Variants in PTPRK observed in about 807,000 individuals in gnomAD.
The protein encoded by PTPRK is protein tyrosine phosphatase receptor type K.
PTPRK carries 75 observed loss-of-function variants against 178.0 expected under a neutral mutation model. The observed-to-expected ratio is 0.42, with a 90% confidence interval of 0.35 to 0.51. The LOEUF is 0.51. Ranked by LOEUF, PTPRK falls within the 20% of genes least tolerant of loss-of-function variation. The pLI is 0.02. For synonymous variants in PTPRK, 637 were observed against 620.6 expected (o/e 1.03, Z -0.39); for missense variants, 1,441 against 1,797.8 (o/e 0.80, Z 3.59).
intron 13 of PTPRK, among the ~76,000 whole-genome samples, chr6:128,025,224 C>T (rs114147475): frequency 1.3e-3 from 195 of 152,318 alleles, no homozygotes; most frequent in African/African-American, 4.4e-3. Flanking sequence ...CCCTGTGAGG[C>T]CAAGTTTTGT....
intron 1 of PTPRK, among the ~76,000 whole-genome samples, chr6:128,501,843 C>G (rs1373543175): frequency 6.6e-6 from 1 of 152,024 alleles, no homozygotes; most frequent in Admixed American, 6.6e-5. Flanking sequence ...AGCCCAAATG[C>G]AGTATTAAGA....
intron 13 of PTPRK, among the ~76,000 whole-genome samples, chr6:128,033,144 G>A (rs947474408): frequency 2.4e-4 from 37 of 152,104 alleles, no homozygotes; most frequent in African/African-American, 6.3e-4. Flanking sequence ...TTTTCTAGTT[G>A]GTTATACTCC....
intron 13 of PTPRK, among the ~76,000 whole-genome samples, chr6:128,009,814 T>C (rs532472854): frequency 1.6e-4 from 24 of 151,318 alleles, no homozygotes; most frequent in African/African-American, 5.8e-4. Flanking sequence ...AAGAGAAGAA[T>C]AGGCAAAGAA....
chr6:128,338,397 C>G (rs1332277633), intron 2 of PTPRK, among the ~76,000 whole-genome samples: 1 of 152,030 alleles, frequency 6.6e-6, no homozygotes, highest in Non-Finnish European at 1.5e-5. Flanking sequence ...TTACTACACC[C>G]AAATATATAG....
At chr6:128,435,103 AGGAAG>A (rs1230372251) in intron 1 of PTPRK, among the ~76,000 whole-genome samples, 1 of 71,720 alleles carries the variant, frequency 1.4e-5, no homozygotes, top group Non-Finnish European at 2.6e-5. Flanking sequence ...GAAGGAAGGA[AGGAAG>A]GCAGGAAGGC....
intron 6 of PTPRK, among the ~76,000 whole-genome samples, chr6:128,216,203 A>G (rs903751119): frequency 2.4e-4 from 36 of 152,286 alleles, no homozygotes; most frequent in Admixed American, 8.5e-4. Flanking sequence ...CCTTTCCAAC[A>G]TAAAAATCAC....
At chr6:128,379,770 A>G (rs988681321) in intron 2 of PTPRK, among the ~76,000 whole-genome samples, 2 of 152,170 alleles carry the variant, frequency 1.3e-5, no homozygotes, top group African/African-American at 4.8e-5. Flanking sequence ...TTCCTTTCTA[A>G]CACTAGTTGG....
intron 7 of PTPRK, among the ~76,000 whole-genome samples, chr6:128,099,829 C>T (rs1788495942): frequency 6.6e-6 from 1 of 152,026 alleles, no homozygotes; most frequent in Admixed American, 6.6e-5. Flanking sequence ...AGATCCTTCA[C>T]ATATAATCAA....
Position 128,520,531 on chromosome 6 carries a change from G to GTCTT in PTPRK, c.-174_-173insAAGA. ...TCGCCAAACTACCTCAGGGGCGAAAGCGTCGCCAGCGTCGCCGGCCGGCCG... is the reference window on the plus strand; with the variant it reads ...TCGCCAAACTACCTCAGGGGCGAAAGTCTTCGTCGCCAGCGTCGCCGGCCGGCCG... On this transcript the variant is annotated 5_prime_UTR_variant, in exon 1 of 30. It removes the in-frame stop codon of an upstream open reading frame in the 5' UTR. Transcript: ENST00000368226. The GTCTT allele has an allele frequency of 1.7e-6, 1 of 589,072 alleles. No individual in the cohort carries two copies. The allele number at this position is 589,072 out of a possible 1,614,324, so 36.5% of individuals were successfully genotyped here. A position where few individuals can be genotyped will look rare whatever the true frequency, so the allele number is the denominator to read the frequency against.
At chr6:128,015,876 C>A (rs1432708309) in intron 13 of PTPRK, among the ~76,000 whole-genome samples, 1 of 151,754 alleles carries the variant, frequency 6.6e-6, no homozygotes, top group Non-Finnish European at 1.5e-5. Context: ...GCAGCGTATG[C>A]CAACCCCATT....
chr6:128,017,779 C>T (rs1272990959), intron 13 of PTPRK, among the ~76,000 whole-genome samples: 28 of 74,626 alleles, frequency 3.8e-4, no homozygotes, highest in Non-Finnish European at 6.0e-4. Context: ...AATATTTATA[C>T]ATATATAAAT....
intron 1 of PTPRK, among the ~76,000 whole-genome samples, chr6:128,400,771 TTATG>T (rs1178914447): frequency 6.6e-6 from 1 of 152,198 alleles, no homozygotes; most frequent in Non-Finnish European, 1.5e-5. Flanking sequence ...CAAGACATCT[TTATG>T]TATAGTATTA....
intron 3 of PTPRK, among the ~76,000 whole-genome samples, chr6:128,319,823 T>C (rs1451855833): frequency 6.6e-6 from 1 of 152,172 alleles, no homozygotes; most frequent in Non-Finnish European, 1.5e-5. Flanking sequence ...TGGTTGTTTC[T>C]AATCACAAAT....
intron 3 of PTPRK, among the ~76,000 whole-genome samples, chr6:128,303,776 A>AT (rs372796216): frequency 3.9e-5 from 6 of 152,046 alleles, no homozygotes; most frequent in African/African-American, 7.2e-5. Flanking sequence ...TTTAAAATGA[A>AT]TTTTTTTTCT....
chr6:128,042,361 G>A (rs1582677924), intron 13 of PTPRK, among the ~76,000 whole-genome samples: 1 of 152,160 alleles, frequency 6.6e-6, no homozygotes, highest in Non-Finnish European at 1.5e-5. Context: ...GAGATCAGAA[G>A]TCATAAATGA....
At chr6:128,037,025 C>A (rs1051458253) in intron 13 of PTPRK, among the ~76,000 whole-genome samples, 1 of 152,082 alleles carries the variant, frequency 6.6e-6, no homozygotes, top group African/African-American at 2.4e-5. Flanking sequence ...AGCCGCCGCT[C>A]CCCGCCCTCC....
intron 13 of PTPRK, among the ~76,000 whole-genome samples, chr6:128,034,163 A>G (rs1775815304): frequency 6.6e-6 from 1 of 152,200 alleles, no homozygotes; most frequent in South Asian, 2.1e-4. Flanking sequence ...TTTTATACAA[A>G]GGGCAGTACA....
At chr6:128,100,411 C>T (rs999131329) in intron 7 of PTPRK, among the ~76,000 whole-genome samples, 2 of 151,834 alleles carry the variant, frequency 1.3e-5, no homozygotes, top group Non-Finnish European at 2.9e-5. Flanking sequence ...CAAACTCAGC[C>T]TTATGAATAT....
At chr6:128,232,756 T>C (rs930651337) in intron 5 of PTPRK, among the ~76,000 whole-genome samples, 6 of 152,256 alleles carry the variant, frequency 3.9e-5, no homozygotes, top group African/African-American at 1.4e-4. Flanking sequence ...GTTTACTCAC[T>C]GTTTTGGTAC....
Sources: gnomAD v4.1 joint callset for allele counts (sites outside exome capture counted in the v4.1 genomes callset) on GRCh38, gnomAD v4.1.1 for gene constraint, MANE v1.5 for transcripts, NCBI Gene and HGNC (gene_info 2026-07-23, HGNC 2026-07-21) for gene names.